Variants in LAMA1 observed in about 807,000 individuals in gnomAD.
LAMA1 encodes laminin subunit alpha 1.
Under a neutral mutation model 348.7 loss-of-function variants are expected in LAMA1, and 219 were observed. That is an observed-to-expected ratio of 0.63 (90% confidence interval 0.56 to 0.70). LAMA1 has a LOEUF of 0.70. Among genes scored for constraint, LAMA1 ranks in the 30% least tolerant of loss-of-function variants. LAMA1 has a pLI of 0.00. For missense variants in LAMA1, 3,744 were observed against 3,888.0 expected, an observed-to-expected ratio of 0.96 and a Z score of 0.99; for synonymous variants, 1,487 against 1,491.0, an observed-to-expected ratio of 1.00 and a Z score of 0.06.
Position 7,011,269 on chromosome 18 carries a change from C to G in LAMA1, c.3687+31G>C, listed in dbSNP as rs370970641. On this transcript the variant is annotated intron_variant, in intron 25 of 62. Coordinates refer to ENST00000389658, the MANE Select transcript of LAMA1 (RefSeq NM_005559.4). The stretch of plus-strand genomic sequence containing the variant: ...AATTTCTGTATATCCTAGGAAGCAC[C>G]GACTGGCTCTCGGCTGGGCGTGCAC... 2.9e-5 allele frequency: 46 copies of G among 1,606,728 alleles called. No individual in the cohort carries two copies. The African/African-American group carries it at 4.9e-4, about 17-fold the overall frequency.
chr18:7,063,718 G>C (rs2058111579), intron 3 of LAMA1, among the ~76,000 whole-genome samples: 1 of 152,150 alleles, frequency 6.6e-6, no homozygotes, highest in African/African-American at 2.4e-5. Context: ...TAAGCCTTGA[G>C]GACATTATGT....
chr18:6,946,039 A>G (rs1425656415), intron 61 of LAMA1, among the ~76,000 whole-genome samples: 1 of 152,098 alleles, frequency 6.6e-6, no homozygotes, highest in Non-Finnish European at 1.5e-5. Context: ...TAGTACTGCA[A>G]ATTGTGGAGT....
At chr18:7,036,646 G>GA (rs34563227) in intron 12 of LAMA1, among the ~76,000 whole-genome samples, 32 of 149,260 alleles carry the variant, frequency 2.1e-4, no homozygotes, top group South Asian at 4.2e-4. Context: ...GATATCAAGA[G>GA]AAAAAAAAAT....
intron 26 of LAMA1, 62 bp downstream of exon 26, chr18:7,010,138 C>T: frequency 1.3e-6 from 2 of 1,577,696 alleles, no homozygotes; most frequent in African/African-American, 1.3e-5. Context: ...TTTCATCTTT[C>T]ACTACATCCA....
intron 19 of LAMA1, among the ~76,000 whole-genome samples, chr18:7,021,325 G>A (rs2057914411): frequency 6.6e-6 from 1 of 152,138 alleles, no homozygotes; most frequent in Non-Finnish European, 1.5e-5. Context: ...ACCAAATGCT[G>A]GAGATGTGGC....
At chr18:7,074,786 T>C (rs1044456985) in intron 3 of LAMA1, among the ~76,000 whole-genome samples, 16 of 152,110 alleles carry the variant, frequency 1.1e-4, no homozygotes, top group African/African-American at 3.6e-4. Context: ...AAGTGAATAG[T>C]AGACATTATT....
chr18:6,992,552 G>A lies in LAMA1; in HGVS notation c.5168+9C>T, dbSNP rs1449063682. 1.2e-6 allele frequency: 2 copies of A among 1,613,814 alleles called. No homozygotes were observed. Among genetic ancestry groups the A allele is most frequent in the Non-Finnish European group, 1.7e-6 (2 of 1,179,748 alleles). ...TTGGTTGCATTGCACACAGTAATTA[G>A]AAACTTACTTGAGTTCAAGGGTGGC... On this transcript the variant is annotated intron_variant, in intron 36 of 62. Coordinates refer to ENST00000389658, the MANE Select transcript of LAMA1 (RefSeq NM_005559.4).
In LAMA1 at chr18:7,080,064, T is replaced by A; in HGVS notation, c.256A>T (p.Ile86Leu). Residue 86 changes from isoleucine (I) to leucine (L), a missense_variant, in exon 3 of 63, where the codon ATA becomes TTA. By Grantham distance (5) the Ile-to-Leu change is conservative (BLOSUM62 2). This residue lies in a region of LAMA1 where 1,529 missense variants were observed against 1,689.4 expected (regional missense o/e 0.91). Transcript: ENST00000389658. ...TGCCACCAGTTATTGGTGCCATCTA[T>A]GGCATGTGATATTGGATGGCGTTCT... The part of the protein sequence containing the change: ...PRERHPISHA[I>L]DGTNNWWQSP... 1 of 1,613,652 alleles carries A rather than the reference T, an allele frequency of 6.2e-7. No homozygotes were observed. Among genetic ancestry groups the A allele is most frequent in the Non-Finnish European group, 8.5e-7 (1 of 1,179,538 alleles).
rs1416943029 is a variant in LAMA1, at chr18:6,961,498, TA to T, written c.7626+87del. On this transcript the variant is annotated intron_variant, in intron 53 of 62. Coordinates refer to ENST00000389658, the MANE Select transcript of LAMA1 (RefSeq NM_005559.4). ...TAAACAACCAGGAACACGGTGACAA[TA>T]AATGTTTATGAGTCAGTCATTTTCC... The T allele has an allele frequency of 8.7e-6, 13 of 1,492,852 alleles. No individual in the cohort carries two copies. The East Asian group carries it at 3.1e-4, about 36-fold the overall frequency. 92.5% of individuals were successfully genotyped at this position (1,492,852 alleles called of 1,614,324 possible).
intron 3 of LAMA1, among the ~76,000 whole-genome samples, chr18:7,063,200 G>A (rs2058109534): frequency 6.6e-6 from 1 of 152,116 alleles, no homozygotes; most frequent in Non-Finnish European, 1.5e-5. Context: ...TTGTGAGTGT[G>A]TAAAATTTCA....
chr18:7,107,472 T>TG (rs1446964066), intron 1 of LAMA1, among the ~76,000 whole-genome samples: 41 of 152,128 alleles, frequency 2.7e-4, no homozygotes, highest in African/African-American at 9.2e-4. Flanking sequence ...CAAAAACAAA[T>TG]ACACTAAGAA....
intron 1 of LAMA1, among the ~76,000 whole-genome samples, chr18:7,096,811 G>T (rs747020621): frequency 3.9e-5 from 6 of 152,178 alleles, no homozygotes; most frequent in Non-Finnish European, 7.3e-5. Flanking sequence ...ACCATTTCAG[G>T]ACTCTGAAAA....
At chr18:6,992,822 T>C in intron 35 of LAMA1, 102 bp from the exon 36 acceptor site, 2 of 980,362 alleles carry the variant, frequency 2.0e-6, no homozygotes, top group Admixed American at 2.0e-5. Context: ...TCTGTTTACC[T>C]AAGCTGAGTT....
chr18:6,950,779 T>C lies in LAMA1; in HGVS notation c.8397+3A>G, dbSNP rs1172655961. 13 of 1,613,858 alleles carry C rather than the reference T, an allele frequency of 8.1e-6. No individual in the cohort carries two copies. The highest frequency in any genetic ancestry group is 1.7e-5 in the Admixed American group (1 of 60,004). On this transcript the variant is annotated splice_donor_region_variant and intron_variant, in intron 58 of 62. Coordinates refer to ENST00000389658, the MANE Select transcript of LAMA1 (RefSeq NM_005559.4). ...AGCCACCACAAGCCTCCTGAGATCG[T>C]ACCGTGTGCCACTTGCCATCACTGA...
chr18:7,019,563 T>C (rs2057905887), intron 19 of LAMA1, among the ~76,000 whole-genome samples: 2 of 152,132 alleles, frequency 1.3e-5, no homozygotes, highest in Admixed American at 1.3e-4. Flanking sequence ...GGCGAAATAA[T>C]GTTCTCTATT....
intron 1 of LAMA1, among the ~76,000 whole-genome samples, chr18:7,085,739 C>T (rs2058214710): frequency 6.6e-6 from 1 of 152,104 alleles, no homozygotes; most frequent in African/African-American, 2.4e-5. Flanking sequence ...TAATCTTACC[C>T]ATTCGCCCAA....
At chr18:7,091,359 C>T (rs1356889211) in intron 1 of LAMA1, among the ~76,000 whole-genome samples, 1 of 152,144 alleles carries the variant, frequency 6.6e-6, no homozygotes, top group Non-Finnish European at 1.5e-5. Context: ...GCAAATGCAG[C>T]CTTTAAGTTG....
chr18:7,025,886 A>G, intron 17 of LAMA1, 93 bp downstream of exon 17: 1 of 1,506,392 alleles, frequency 6.6e-7, no homozygotes, highest in South Asian at 1.2e-5. Context: ...CACACGTATT[A>G]CACACACAGT....
At chr18:7,092,917 G>T (rs188357964) in intron 1 of LAMA1, among the ~76,000 whole-genome samples, 1 of 152,134 alleles carries the variant, frequency 6.6e-6, no homozygotes, top group African/African-American at 2.4e-5. Flanking sequence ...TCCTGTGGTG[G>T]CAGCACATGC....
Sources: gnomAD v4.1 joint callset for allele counts (sites outside exome capture counted in the v4.1 genomes callset) on GRCh38, gnomAD v4.1.1 for gene constraint, gnomAD v4.1.1 regional missense constraint, MANE v1.5 for transcripts, NCBI Gene and HGNC (gene_info 2026-07-23, HGNC 2026-07-21) for gene names.